DNM3: variants seen among roughly 807,000 people sequenced by gnomAD.
DNM3 encodes dynamin-3.
Under a neutral mutation model 101.6 loss-of-function variants are expected in DNM3, and 47 were observed. The ratio of observed to expected loss-of-function variants is 0.46; its 90% confidence interval spans 0.37 to 0.59. The LOEUF (loss-of-function observed/expected upper bound fraction) is 0.59. Ranked by LOEUF, DNM3 falls within the 20% of genes least tolerant of loss-of-function variation. The pLI is 0.00. For synonymous variants in DNM3, 385 were observed against 387.9 expected (o/e 0.99, Z 0.09); for missense variants, 849 against 1,085.7 (o/e 0.78, Z 3.06).
intron 14 of DNM3, among the ~76,000 whole-genome samples, chr1:172,154,635 G>T (rs756064517): frequency 6.6e-6 from 1 of 151,962 alleles, no homozygotes; most frequent in African/African-American, 2.4e-5. Flanking sequence ...ATCCCACCCC[G>T]TAAATGTATT....
At chr1:172,277,349 T>C (rs1389340236) in intron 15 of DNM3, among the ~76,000 whole-genome samples, 5 of 151,992 alleles carry the variant, frequency 3.3e-5, no homozygotes, top group Admixed American at 2.0e-4. Flanking sequence ...TTTCACAGCG[T>C]TTTAGTAGTG....
intron 4 of DNM3, among the ~76,000 whole-genome samples, chr1:172,021,011 C>T (rs937263638): frequency 2.0e-5 from 3 of 152,304 alleles, no homozygotes; most frequent in African/African-American, 7.2e-5. Flanking sequence ...ATTCACCTGT[C>T]TCTCCAAATT....
intron 17 of DNM3, among the ~76,000 whole-genome samples, chr1:172,357,216 T>A (rs2067498125): frequency 6.6e-6 from 1 of 152,020 alleles, no homozygotes; most frequent in Non-Finnish European, 1.5e-5. Context: ...GATGTTAAAA[T>A]GAGTAGGTAA....
chr1:172,337,082 C>T (rs1215148856), intron 17 of DNM3, among the ~76,000 whole-genome samples: 1 of 152,136 alleles, frequency 6.6e-6, no homozygotes, highest in Non-Finnish European at 1.5e-5. Context: ...GATTCTGGAA[C>T]CAATAGTTTT....
At chr1:172,374,223 C>G (rs189688712) in intron 17 of DNM3, among the ~76,000 whole-genome samples, 27 of 152,142 alleles carry the variant, frequency 1.8e-4, no homozygotes, top group South Asian at 8.3e-4. Flanking sequence ...CCTAAAACAG[C>G]CTTCAGGTCT....
At chr1:171,973,643 C>A (rs6425521) in intron 2 of DNM3, among the ~76,000 whole-genome samples, 118,282 of 151,424 alleles carry the variant, frequency 0.78, 46,268 homozygotes, top group Middle Eastern at 0.85. Flanking sequence ...AAATTGCAGA[C>A]CCTTCAAACA....
chr1:171,950,470 G>A (rs999490735), intron 2 of DNM3, among the ~76,000 whole-genome samples: 3 of 152,154 alleles, frequency 2.0e-5, no homozygotes, highest in Non-Finnish European at 4.4e-5. Flanking sequence ...TAATGAAAGT[G>A]TTCTGAGTGC....
chr1:171,986,407 G>A (rs2045259190), intron 2 of DNM3, among the ~76,000 whole-genome samples: 1 of 151,976 alleles, frequency 6.6e-6, no homozygotes, highest in South Asian at 2.1e-4. Context: ...AAATGATTCT[G>A]TATTGTTATC....
intron 2 of DNM3, among the ~76,000 whole-genome samples, chr1:171,961,576 A>G (rs2043211973): frequency 6.6e-6 from 1 of 152,218 alleles, no homozygotes; most frequent in Non-Finnish European, 1.5e-5. Context: ...TAACTATAAT[A>G]TAATACAGCA....
intron 20 of DNM3, among the ~76,000 whole-genome samples, chr1:172,402,536 T>A (rs1461255352): frequency 1.3e-5 from 2 of 152,222 alleles, no homozygotes; most frequent in African/African-American, 2.4e-5. Flanking sequence ...TCTTTGTATA[T>A]CTTTTTGAAG....
At chr1:172,140,662 A>G (rs1363318605) in intron 14 of DNM3, 1 of 152,050 alleles carries the variant, frequency 6.6e-6, no homozygotes, top group East Asian at 1.9e-4. Context: ...CAGTTTTATT[A>G]AGGCAAGATA....
intron 20 of DNM3, chr1:172,394,306 T>G (rs2069780550): frequency 6.6e-6 from 1 of 152,214 alleles, no homozygotes; most frequent in Admixed American, 6.5e-5. Flanking sequence ...AAGCAAGTCT[T>G]GTGAAAGTCA....
In DNM3 at chr1:172,022,918, A is replaced by G. The variant is rs534833578; in HGVS notation, c.590-9484A>G. On this transcript the variant is annotated intron_variant, in intron 4 of 20. Transcript: ENST00000627582. The stretch of plus-strand genomic sequence containing the variant: ...ATCATATTTTGCTGAATAAATTTTT[A>G]TAATCCTGAAAATGTTATTCATAGC... 3.9e-5 allele frequency among the ~76,000 whole-genome samples: 6 copies of G among 152,248 alleles called. No homozygotes were observed. The South Asian group carries it at 1.2e-3, about 32-fold the overall frequency.
chr1:172,269,034 A>G (rs796396152), intron 15 of DNM3, among the ~76,000 whole-genome samples: 4 of 152,288 alleles, frequency 2.6e-5, no homozygotes, highest in African/African-American at 9.6e-5. Context: ...AGAATCAGCA[A>G]CTTCAGTTGC....
intron 12 of DNM3, 120 bp from the exon 13 acceptor site, chr1:172,092,704 G>A: frequency 2.9e-6 from 3 of 1,032,300 alleles, no homozygotes; most frequent in Non-Finnish European, 4.1e-6. Context: ...TGGAATTTTG[G>A]TATTAGGTCT....
chr1:172,216,208 G>C (rs150581499), intron 14 of DNM3, among the ~76,000 whole-genome samples: 80 of 152,092 alleles, frequency 5.3e-4, no homozygotes, highest in African/African-American at 1.8e-3. Flanking sequence ...TCATATTCAG[G>C]AGTGGCTTCT....
intron 14 of DNM3, among the ~76,000 whole-genome samples, chr1:172,141,312 T>C (rs1383548563): frequency 6.6e-6 from 1 of 152,144 alleles, no homozygotes; most frequent in Non-Finnish European, 1.5e-5. Context: ...AGAAAGTTTC[T>C]ATCTTAACTC....
Position 171,882,454 on chromosome 1 carries a change from CACA to C in DNM3, c.162-39293_162-39291del, listed in dbSNP as rs1558207984. ...ATACACACACACACACACACACACA[CACA>C]CACACACGCACCATTTAAGAGTTAA... On this transcript the variant is annotated intron_variant, in intron 1 of 20. Coordinates refer to ENST00000627582, the MANE Select transcript of DNM3 (RefSeq NM_015569.5). Among the ~76,000 whole-genome samples the C allele has an allele frequency of 8.6e-4, 130 of 151,596 alleles. 1 individual carries two copies. The highest frequency in any genetic ancestry group is 2.8e-3 in the African/African-American group (115 of 41,238).
At chr1:172,011,048 GT>G (rs1341259939) in intron 4 of DNM3, among the ~76,000 whole-genome samples, 1 of 151,580 alleles carries the variant, frequency 6.6e-6, no homozygotes, top group Non-Finnish European at 1.5e-5. Flanking sequence ...GTTGGATTTT[GT>G]TTTAGCAGAT....
Sources: gnomAD v4.1 joint callset for allele counts (sites outside exome capture counted in the v4.1 genomes callset) on GRCh38, gnomAD v4.1.1 for gene constraint, MANE v1.5 for transcripts, NCBI Gene and HGNC (gene_info 2026-07-23, HGNC 2026-07-21) for gene names.